C12orf56: variants seen among roughly 807,000 people sequenced by gnomAD.
The protein encoded by C12orf56 is uncharacterized protein C12orf56.
C12orf56 carries 71 observed loss-of-function variants against 69.9 expected under a neutral mutation model. That is an observed-to-expected ratio of 1.02 (90% CI 0.84 to 1.24). The LOEUF (loss-of-function observed/expected upper bound fraction) is 1.24, where lower values mean the gene tolerates loss of function less well. Ranked by LOEUF, C12orf56 falls within the 50% of genes most tolerant of loss-of-function variation. The probability of loss-of-function intolerance (pLI) is 0.00; values close to 1 mark genes in which losing one functional copy is unlikely to be tolerated. For missense variants in C12orf56, 732 were observed against 738.5 expected, an observed-to-expected ratio of 0.99 and a Z score of 0.10; for synonymous variants, 276 against 274.1, an observed-to-expected ratio of 1.01 and a Z score of -0.07.
intron 5 of C12orf56, among the ~76,000 whole-genome samples, chr12:64,303,995 C>G (rs2038480877): frequency 1.3e-5 from 2 of 152,188 alleles, no homozygotes; most frequent in Non-Finnish European, 2.9e-5. Context: ...GCCCGTGCCC[C>G]TTAACTCAAG....
intron 12 of C12orf56, among the ~76,000 whole-genome samples, chr12:64,268,414 A>C (rs1402759904): frequency 2.8e-5 from 4 of 142,584 alleles, no homozygotes; most frequent in Non-Finnish European, 6.2e-5. Flanking sequence ...TACAATGTGG[A>C]TGAACCTTGA....
chr12:64,375,133 C>T (rs1359339570), intron 1 of C12orf56, among the ~76,000 whole-genome samples: 1 of 151,932 alleles, frequency 6.6e-6, no homozygotes, highest in Non-Finnish European at 1.5e-5. Flanking sequence ...CCATGGTTCA[C>T]TGCAACCTCC....
chr12:64,269,214 T>G (rs189266562), intron 12 of C12orf56, among the ~76,000 whole-genome samples: 1 of 152,274 alleles, frequency 6.6e-6, no homozygotes, highest in East Asian at 1.9e-4. Context: ...AATTTATGTC[T>G]CCACATCCTT....
intron 1 of C12orf56, among the ~76,000 whole-genome samples, chr12:64,355,608 G>A (rs2039300600): frequency 6.6e-6 from 1 of 152,034 alleles, no homozygotes; most frequent in Non-Finnish European, 1.5e-5. Flanking sequence ...AAGATCCTTA[G>A]GTAACTTAAA....
At chr12:64,298,656 G>T (rs1348726510) in intron 6 of C12orf56, among the ~76,000 whole-genome samples, 2 of 149,632 alleles carry the variant, frequency 1.3e-5, no homozygotes, top group African/African-American at 2.5e-5. Flanking sequence ...CCCATTGCTT[G>T]TTTGTGTCAG....
intron 6 of C12orf56, among the ~76,000 whole-genome samples, chr12:64,302,069 T>C (rs1393965933): frequency 6.6e-6 from 1 of 152,080 alleles, no homozygotes; most frequent in Non-Finnish European, 1.5e-5. Flanking sequence ...ACTGGAGAGG[T>C]TTATTTGGGA....
At chr12:64,373,175 G>C (rs898552606) in intron 1 of C12orf56, among the ~76,000 whole-genome samples, 2 of 151,990 alleles carry the variant, frequency 1.3e-5, no homozygotes, top group Non-Finnish European at 2.9e-5. Flanking sequence ...TTTGGTTCCT[G>C]GTAGTTCAAA....
chr12:64,283,822 T>C (rs951820486), intron 8 of C12orf56, among the ~76,000 whole-genome samples: 1 of 152,104 alleles, frequency 6.6e-6, no homozygotes, highest in Admixed American at 6.5e-5. Context: ...CACCTTGTGT[T>C]TGAAAGCCTG....
chr12:64,390,344 C>A lies in C12orf56; in HGVS notation c.222G>T (p.Val74=), dbSNP rs777297144. 2 of 1,611,952 alleles carry A rather than the reference C, an allele frequency of 1.2e-6. No individual in the cohort carries two copies. Among genetic ancestry groups the A allele is most frequent in the South Asian group, 2.2e-5 (2 of 91,056 alleles). The change falls in exon 1 of 13, where the codon GTG becomes GTT. Residue 74 remains valine, a synonymous_variant. Coordinates refer to ENST00000543942, the MANE Select transcript of C12orf56 (RefSeq NM_001170633.2). ...CAATGGCCACGACGTCCCGCAGAGCCACTACCCGCCGGATGGACTTGGGCG... is the reference window on the plus strand; with the variant it reads ...CAATGGCCACGACGTCCCGCAGAGCAACTACCCGCCGGATGGACTTGGGCG... ...ENPPKSIRRV[V]ALRDVVAIDL...
intron 2 of C12orf56, among the ~76,000 whole-genome samples, chr12:64,339,556 T>C (rs1435512930): frequency 6.6e-6 from 1 of 151,996 alleles, no homozygotes; most frequent in African/African-American, 2.4e-5. Context: ...TTTTTAAGTT[T>C]GTATTTGTTT....
intron 6 of C12orf56, among the ~76,000 whole-genome samples, chr12:64,301,660 A>G (rs1485431828): frequency 6.6e-6 from 1 of 152,198 alleles, no homozygotes; most frequent in African/African-American, 2.4e-5. Context: ...TAAGCTCTGG[A>G]AAACTTTGTA....
chr12:64,368,226 C>T (rs544280124), intron 1 of C12orf56, among the ~76,000 whole-genome samples: 5 of 152,208 alleles, frequency 3.3e-5, no homozygotes, highest in African/African-American at 1.2e-4. Flanking sequence ...CCTCAGCATC[C>T]CAAAGTGCTG....
chr12:64,376,156 C>A (rs1317701891), intron 1 of C12orf56, among the ~76,000 whole-genome samples: 1 of 152,214 alleles, frequency 6.6e-6, no homozygotes, highest in Admixed American at 6.5e-5. Flanking sequence ...ATCACACAAC[C>A]AACACTTCAG....
At chr12:64,313,274 A>AAAAAGAAAGAAAGAAAGAAAGAAAGAAAG (rs762664621) in intron 4 of C12orf56, among the ~76,000 whole-genome samples, 4,250 of 81,100 alleles carry the variant, frequency 0.052, 145 homozygotes, top group Non-Finnish European at 0.063. Flanking sequence ...AAAAAAAAAA[A>AAAAAGAAAGAAAGAAAGAAAGAAAGAAAG]AAAGAAAGAA....
intron 2 of C12orf56, among the ~76,000 whole-genome samples, chr12:64,339,982 G>A (rs1339310315): frequency 1.3e-5 from 2 of 150,568 alleles, no homozygotes; most frequent in Non-Finnish European, 3.0e-5. Flanking sequence ...TTATATATAT[G>A]GACATTTATA....
intron 4 of C12orf56, among the ~76,000 whole-genome samples, chr12:64,316,514 A>G (rs973561699): frequency 6.6e-5 from 10 of 152,186 alleles, no homozygotes; most frequent in Admixed American, 2.0e-4. Context: ...CCTCTGGAGT[A>G]ACTAGTACTA....
At chr12:64,387,077 CAAAAAAAAAAAAAAAA>C (rs869290282) in intron 1 of C12orf56, among the ~76,000 whole-genome samples, 16 of 42,106 alleles carry the variant, frequency 3.8e-4, no homozygotes, top group African/African-American at 9.8e-4. Context: ...GACTCTATCT[CAAAAAAAAAAAAAAAA>C]AAAAAAAAAA....
In C12orf56 at chr12:64,318,768, T is replaced by C; in HGVS notation, c.701A>G (p.Asn234Ser). ...CTTGAAAGGAATTTCACTTATGGAGTTGTGATCTGGAAGTCCCTGGGGTTC... is the reference window on the plus strand; with the variant it reads ...CTTGAAAGGAATTTCACTTATGGAGCTGTGATCTGGAAGTCCCTGGGGTTC... ...TKEPQGLPDHNSISEIPFKCN... is the reference protein window; with the variant it reads ...TKEPQGLPDHSSISEIPFKCN... Residue 234 changes from asparagine to serine, a missense_variant, in exon 4 of 13, where the codon AAC becomes AGC. Asn to Ser is a conservative substitution (Grantham distance 46, BLOSUM62 1). Coordinates refer to ENST00000543942, the MANE Select transcript of C12orf56 (RefSeq NM_001170633.2). 3 of 1,536,960 alleles carry C rather than the reference T, an allele frequency of 2.0e-6. No individual in the cohort carries two copies. The highest frequency in any genetic ancestry group is 2.4e-5 in the East Asian group (1 of 40,894).
At position 64,270,600 on chromosome 12, in the gene C12orf56, T is replaced by C. The variant is rs775801850; in HGVS notation, c.1699A>G (p.Ser567Gly). 7 of 1,613,700 alleles carry C rather than the reference T, an allele frequency of 4.3e-6. No individual in the cohort carries two copies. Among genetic ancestry groups the C allele is most frequent in the Non-Finnish European group, 5.9e-6 (7 of 1,179,756 alleles). ...AGAGTCCTGCTGTGCCGCAGACAGC[T>C]CTTGAGGATGTAAAATTGCTGGTAC... ...LLYQQFYILK[S>G]CLRHSRTLAE... Residue 567 changes from serine (S) to glycine (G), a missense_variant, in exon 12 of 13, where the codon AGC (serine) becomes GGC (glycine). By Grantham distance (56) the Ser-to-Gly change is moderately conservative. Coordinates refer to ENST00000543942, the MANE Select transcript of C12orf56 (RefSeq NM_001170633.2).
Sources: gnomAD v4.1 joint callset for allele counts (sites outside exome capture counted in the v4.1 genomes callset) on GRCh38, gnomAD v4.1.1 for gene constraint, MANE v1.5 for transcripts, NCBI Gene and HGNC (gene_info 2026-07-23, HGNC 2026-07-21) for gene names.